The following MEMO1 variants were observed in gnomAD, a reference collection of about 807,000 sequenced individuals.
MEMO1 encodes the protein mediator of cell motility 1.
Under a neutral mutation model 45.2 loss-of-function variants are expected in MEMO1, and 6 were observed. That is an observed-to-expected ratio of 0.13 (90% CI 0.07 to 0.26). MEMO1 has a LOEUF of 0.26. MEMO1 is among the 10% of genes least tolerant of loss of function. The pLI is 1.00. For missense variants in MEMO1, 184 were observed against 370.5 expected (o/e 0.50, Z 4.13); for synonymous variants, 78 against 124.3 (o/e 0.63, Z 2.48).
intron 2 of MEMO1, among the ~76,000 whole-genome samples, chr2:31,944,894 A>C (rs553659316): frequency 2.0e-4 from 30 of 152,278 alleles, no homozygotes; most frequent in African/African-American, 7.0e-4. Context: ...TAATATAACA[A>C]ACACACACAT....
intron 2 of MEMO1, among the ~76,000 whole-genome samples, chr2:31,956,537 T>C (rs747162761): frequency 1.3e-5 from 2 of 152,186 alleles, no homozygotes; most frequent in East Asian, 1.9e-4. Context: ...GATGACACCA[T>C]GTAAAATGTG....
chr2:31,984,367 A>G (rs754971199), intron 2 of MEMO1, among the ~76,000 whole-genome samples: 10 of 152,324 alleles, frequency 6.6e-5, no homozygotes, highest in Non-Finnish European at 1.2e-4. Context: ...AAATGAAGGA[A>G]CATTTCACAA....
intron 8 of MEMO1, among the ~76,000 whole-genome samples, chr2:31,876,799 C>A (rs1459791137): frequency 6.6e-6 from 1 of 152,134 alleles, no homozygotes; most frequent in Non-Finnish European, 1.5e-5. Context: ...CTTGACCCCC[C>A]AAGCTCAATC....
chr2:31,880,423 C>T (rs1382748882), intron 8 of MEMO1, among the ~76,000 whole-genome samples: 1 of 152,300 alleles, frequency 6.6e-6, no homozygotes, highest in Middle Eastern at 3.4e-3. Context: ...ATGATAAACA[C>T]ACTAAGTAAC....
intron 6 of MEMO1, among the ~76,000 whole-genome samples, chr2:31,911,362 C>T (rs181870039): frequency 2.6e-5 from 4 of 152,224 alleles, no homozygotes; most frequent in Non-Finnish European, 5.9e-5. Context: ...TTACTAGGCA[C>T]TCAGGGAGAG....
rs143720573 is a variant in MEMO1 at position 31,992,897 on chromosome 2, G to A, written c.61+17290C>T. Among the ~76,000 whole-genome samples the A allele has an allele frequency of 4.8e-3, 731 of 152,028 alleles. 4 individuals carry two copies. The highest frequency in any genetic ancestry group is 7.6e-3 in the Non-Finnish European group (516 of 67,990). On this transcript the variant is annotated intron_variant, in intron 2 of 9. Coordinates refer to ENST00000404530, the MANE Select transcript of MEMO1 (RefSeq NM_001301833.4). Reference sequence around the variant, plus strand: ...TAAAGATAATAAATATAAGCAATTGGAAGAAACAATTAACTAAAATACATA... The same window carrying A: ...TAAAGATAATAAATATAAGCAATTGAAAGAAACAATTAACTAAAATACATA...
intron 2 of MEMO1, among the ~76,000 whole-genome samples, chr2:31,972,470 G>T (rs1251366336): frequency 6.6e-6 from 1 of 152,168 alleles, no homozygotes; most frequent in Admixed American, 6.5e-5. Flanking sequence ...CAGCACTTTG[G>T]GAGGCCGAGG....
intron 6 of MEMO1, among the ~76,000 whole-genome samples, chr2:31,894,135 C>A (rs992510951): frequency 1.3e-5 from 2 of 152,158 alleles, no homozygotes; most frequent in Admixed American, 6.5e-5. Context: ...AAACAACCAT[C>A]TTTGTGTTAT....
At chr2:31,881,381 G>GC (rs766534628) in intron 8 of MEMO1, among the ~76,000 whole-genome samples, 21 of 151,084 alleles carry the variant, frequency 1.4e-4, no homozygotes, top group Non-Finnish European at 2.5e-4. Flanking sequence ...TGTGCTCCCG[G>GC]CCACTCAGGA....
chr2:31,891,050 T>C (rs1027963988), intron 7 of MEMO1, among the ~76,000 whole-genome samples: 4 of 152,152 alleles, frequency 2.6e-5, no homozygotes, highest in African/African-American at 9.7e-5. Context: ...AAATGTTGAA[T>C]CAATTCTGGC....
At chr2:32,000,323 G>A (rs1050877591) in intron 2 of MEMO1, among the ~76,000 whole-genome samples, 9 of 151,704 alleles carry the variant, frequency 5.9e-5, no homozygotes, top group Admixed American at 3.3e-4. Context: ...TCCGCCTCCT[G>A]GGTTCACTCC....
chr2:31,964,050 A>G (rs1668323308), intron 2 of MEMO1, among the ~76,000 whole-genome samples: 1 of 152,224 alleles, frequency 6.6e-6, no homozygotes, highest in Non-Finnish European at 1.5e-5. Context: ...AAAAAAGTAT[A>G]TATGGAAAAA....
intron 2 of MEMO1, among the ~76,000 whole-genome samples, chr2:31,972,314 C>T (rs1184684145): frequency 6.6e-6 from 1 of 152,124 alleles, no homozygotes; most frequent in Non-Finnish European, 1.5e-5. Context: ...GTGTCAAAAA[C>T]ATACCAAATT....
chr2:31,926,614 C>T (rs1044707088), intron 4 of MEMO1, among the ~76,000 whole-genome samples: 1 of 151,860 alleles, frequency 6.6e-6, no homozygotes, highest in Non-Finnish European at 1.5e-5. Flanking sequence ...TTTGGGAGGC[C>T]GAGGTGGGTG....
chr2:31,970,744 C>T (rs1241618272), intron 2 of MEMO1, among the ~76,000 whole-genome samples: 1 of 152,150 alleles, frequency 6.6e-6, no homozygotes, highest in Non-Finnish European at 1.5e-5. Context: ...TGGCTCACGC[C>T]TGTAATCCCG....
chr2:31,881,808 C>G (rs1450702890), intron 8 of MEMO1, among the ~76,000 whole-genome samples: 1 of 151,834 alleles, frequency 6.6e-6, no homozygotes, highest in Non-Finnish European at 1.5e-5. Context: ...TCAAAACTAG[C>G]CTGGGCAATA....
chr2:31,960,196 C>CAA (rs200243452), intron 2 of MEMO1, among the ~76,000 whole-genome samples: 3 of 123,140 alleles, frequency 2.4e-5, no homozygotes, highest in Non-Finnish European at 5.2e-5. Context: ...GATCCTCTCT[C>CAA]AAAAAAAAAA....
chr2:31,926,256 T>C (rs1258115168), intron 4 of MEMO1, among the ~76,000 whole-genome samples: 1 of 151,674 alleles, frequency 6.6e-6, no homozygotes, highest in East Asian at 1.9e-4. Flanking sequence ...CTGGCAGTCC[T>C]AGCTACTCAG....
chr2:31,936,632 A>G (rs1380152737), intron 3 of MEMO1, among the ~76,000 whole-genome samples: 1 of 152,164 alleles, frequency 6.6e-6, no homozygotes, highest in Non-Finnish European at 1.5e-5. Context: ...CAACCTTCCA[A>G]TGTGGGTATA....
Sources: allele counts gnomAD v4.1 joint callset (sites outside exome capture counted in the v4.1 genomes callset), GRCh38; gene constraint gnomAD v4.1.1; transcripts MANE v1.5; gene names NCBI Gene and HGNC (gene_info 2026-07-23, HGNC 2026-07-21).